Variants in TJP2 observed in about 807,000 individuals in gnomAD.
The protein encoded by TJP2 is Friedreich ataxia region gene X104 (tight junction protein ZO-2).
In TJP2, 91 loss-of-function variants were observed where a neutral mutation model predicts 133.1. The ratio of observed to expected loss-of-function variants is 0.68; its 90% CI spans 0.58 to 0.81. TJP2 has a LOEUF of 0.81. TJP2 is among the 40% of genes least tolerant of loss of function. The pLI is 0.00. For missense variants in TJP2, 1,541 were observed against 1,565.6 expected (o/e 0.98, Z 0.26); for synonymous variants, 592 against 583.4 (o/e 1.01, Z -0.21).
In TJP2 at chr9:69,216,454, G is replaced by A; in HGVS notation, c.230G>A (p.Gly77Glu). 1 of 1,614,072 alleles carries A rather than the reference G, an allele frequency of 6.2e-7. No homozygotes were observed. The highest frequency in any genetic ancestry group is 1.3e-5 in the African/African-American group (1 of 75,032). ...GTGCTCCCGGGTGGGCCTGCTGATG[G>A]GCTGCTCCAGTGAGTGTCCTCCCTC... ...SDVLPGGPADGLLQENDRVVM... is the reference protein window; with the variant it reads ...SDVLPGGPADELLQENDRVVM... The change falls in exon 3 of 23, where the codon GGG becomes GAG. Residue 77 changes from glycine to glutamate, a missense_variant. By Grantham distance (98) the Gly-to-Glu change is moderately conservative. Transcript: ENST00000377245.
At position 69,229,206 on chromosome 9, in the gene TJP2, G is replaced by T. The variant is rs749042061; in HGVS notation, c.1476G>T (p.Pro492=). 1 of 1,614,100 alleles carries T rather than the reference G, an allele frequency of 6.2e-7. No individual in the cohort carries two copies. Among genetic ancestry groups the T allele is most frequent in the Admixed American group, 1.7e-5 (1 of 60,020 alleles). ...CAGCTCCTCAACCAAAAGCAGCCCCGAGAACTTTTCTTCGTCCTAGTCCTG... is the reference window on the plus strand; with the variant it reads ...CAGCTCCTCAACCAAAAGCAGCCCCTAGAACTTTTCTTCGTCCTAGTCCTG... The part of the protein sequence containing the change: ...DPPAPQPKAA[P]RTFLRPSPED... The change falls in exon 10 of 23, where the codon CCG becomes CCT. Residue 492 remains proline, a synonymous_variant. Transcript: ENST00000377245.
chr9:69,212,658 G>T, intron 2 of TJP2, 57 bp downstream of exon 2: 2 of 1,449,644 alleles, frequency 1.4e-6, no homozygotes, highest in Non-Finnish European at 9.7e-7. Context: ...TACGGATCAT[G>T]GATCTTATTT....
At chr9:69,253,706 A>G (rs572679455) in intron 22 of TJP2, 73 of 193,488 alleles carry the variant, frequency 3.8e-4, no homozygotes, top group African/African-American at 1.6e-3. Context: ...CGGCCTCCCA[A>G]AGTGCTAGGA....
chr9:69,192,169 T>C (rs1826246991), intron 1 of TJP2, among the ~76,000 whole-genome samples: 1 of 151,962 alleles, frequency 6.6e-6, no homozygotes, highest in African/African-American at 2.4e-5. Context: ...TACATAAAGC[T>C]GGGCATGGTG....
In TJP2 at chr9:69,225,258, G is replaced by T; in HGVS notation, c.953-46G>T. On this transcript the variant is annotated intron_variant, in intron 5 of 22. Coordinates refer to ENST00000377245, the MANE Select transcript of TJP2 (RefSeq NM_004817.4). Reference sequence around the variant, plus strand: ...TCCTATAAACCAGACTAAGTTTTTTGAACAAATTGATAACATACGTGTATG... The same window carrying T: ...TCCTATAAACCAGACTAAGTTTTTTTAACAAATTGATAACATACGTGTATG... 2.3e-6 allele frequency: 3 copies of T among 1,326,638 alleles called. No individual in the cohort carries two copies. In the South Asian group the frequency reaches 3.6e-5, roughly 16 times the overall value. 82.2% of individuals were successfully genotyped at this position (1,326,638 alleles called of 1,614,324 possible).
intron 1 of TJP2, among the ~76,000 whole-genome samples, chr9:69,132,741 T>G (rs1167236210): frequency 6.6e-6 from 1 of 152,118 alleles, no homozygotes; most frequent in Admixed American, 6.5e-5. Flanking sequence ...AGGGAATGAA[T>G]GAGGAAAGGG....
intron 1 of TJP2, among the ~76,000 whole-genome samples, chr9:69,142,963 T>C (rs1823072699): frequency 6.6e-6 from 1 of 152,244 alleles, no homozygotes; most frequent in Non-Finnish European, 1.5e-5. Flanking sequence ...GTGTCATATC[T>C]GGAAGGGGTA....
intron 1 of TJP2, among the ~76,000 whole-genome samples, chr9:69,183,788 G>A (rs898371268): frequency 2.0e-5 from 3 of 152,166 alleles, no homozygotes; most frequent in Non-Finnish European, 4.4e-5. Flanking sequence ...AGGCTGGAGT[G>A]CAGTGGCATG....
At chr9:69,146,642 CT>C (rs1823223438) in intron 1 of TJP2, among the ~76,000 whole-genome samples, 1 of 152,172 alleles carries the variant, frequency 6.6e-6, no homozygotes, top group South Asian at 2.1e-4. Context: ...CCCAAGAGAA[CT>C]ACTAGAATCG....
rs1488263384 is a variant in TJP2, at chr9:69,239,979, C to T, written c.2398C>T (p.Leu800=). Residue 800 remains leucine (L), a synonymous_variant, in exon 17 of 23, where the codon CTG becomes TTG. Coordinates refer to ENST00000377245, the MANE Select transcript of TJP2 (RefSeq NM_004817.4). ...GGATGTGACTCCGAAAGCTGTGGAC[C>T]TGTTGAATTACACCCAGTGGTTCCC... ...LLDVTPKAVD[L]LNYTQWFPIV... 39 of 1,614,046 alleles carry T rather than the reference C, an allele frequency of 2.4e-5. No homozygotes were observed. The highest frequency in any genetic ancestry group is 3.2e-5 in the Non-Finnish European group (38 of 1,180,038).
chr9:69,194,918 C>T (rs924261109), intron 1 of TJP2, among the ~76,000 whole-genome samples: 1 of 152,164 alleles, frequency 6.6e-6, no homozygotes, highest in African/African-American at 2.4e-5. Flanking sequence ...GTTTGAAGCT[C>T]AGGACTCCGT....
intron 1 of TJP2, among the ~76,000 whole-genome samples, chr9:69,212,322 G>A (rs1371552806): frequency 6.6e-6 from 1 of 152,204 alleles, no homozygotes; most frequent in African/African-American, 2.4e-5. Flanking sequence ...TTTAGGGTCT[G>A]TCTCTCACTA....
chr9:69,145,731 C>T (rs1464006385), intron 1 of TJP2: 10 of 1,231,820 alleles, frequency 8.1e-6, no homozygotes, highest in Admixed American at 4.2e-5. Context: ...TATCGGTATT[C>T]TGGAAGCAGC....
chr9:69,222,537 C>T (rs925024007), intron 5 of TJP2, among the ~76,000 whole-genome samples: 12 of 152,152 alleles, frequency 7.9e-5, no homozygotes, highest in African/African-American at 1.4e-4. Context: ...CCAATTCGTT[C>T]GTTTAATCCT....
intron 4 of TJP2, among the ~76,000 whole-genome samples, chr9:69,219,702 G>A (rs1344366348): frequency 2.0e-5 from 3 of 152,184 alleles, no homozygotes; most frequent in Admixed American, 6.5e-5. Flanking sequence ...GGGATTACAG[G>A]TGTGAGCCAC....
At chr9:69,246,815 T>A in intron 18 of TJP2, 25 bp downstream of exon 18, 1 of 1,597,762 alleles carries the variant, frequency 6.3e-7, no homozygotes, top group Non-Finnish European at 8.6e-7. Flanking sequence ...TATGCTGCTA[T>A]GAGGTGAGAG....
intron 18 of TJP2, among the ~76,000 whole-genome samples, chr9:69,247,233 C>T (rs747210254): frequency 1.3e-5 from 2 of 152,194 alleles, no homozygotes; most frequent in African/African-American, 2.4e-5. Flanking sequence ...AATGTGCCAT[C>T]GTTCTGGGAG....
upstream of TJP2, among the ~76,000 whole-genome samples, chr9:69,170,926 A>G (rs2132910192): frequency 6.6e-6 from 1 of 152,136 alleles, no homozygotes; most frequent in East Asian, 1.9e-4. Flanking sequence ...CTTTTATGAT[A>G]CATTGATGAT....
intron 1 of TJP2, among the ~76,000 whole-genome samples, chr9:69,179,912 C>T (rs548586599): frequency 3.7e-4 from 57 of 152,262 alleles, no homozygotes; most frequent in African/African-American, 1.2e-3. Context: ...TCTTATGTCA[C>T]ATTCTTGAGT....
Sources: gnomAD v4.1 joint callset for allele counts (sites outside exome capture counted in the v4.1 genomes callset) on GRCh38, gnomAD v4.1.1 for gene constraint, MANE v1.5 for transcripts, NCBI Gene and HGNC (gene_info 2026-07-23, HGNC 2026-07-21) for gene names.